Variants in PTPRM observed in about 807,000 individuals in gnomAD.
PTPRM encodes the protein protein tyrosine phosphatase receptor type M, also known as receptor-type tyrosine-protein phosphatase mu.
A neutral mutation model predicts 186.7 loss-of-function variants in PTPRM; 47 were observed. The ratio of observed to expected loss-of-function variants is 0.25; its 90% CI spans 0.20 to 0.32. The LOEUF (loss-of-function observed/expected upper bound fraction) is 0.32, where lower values mean the gene tolerates loss of function less well. Ranked by LOEUF, PTPRM falls within the 10% of genes least tolerant of loss-of-function variation. The pLI, the probability that PTPRM is intolerant of heterozygous loss-of-function variation, is 1.00. For missense variants in PTPRM, 1,494 were observed against 1,865.0 expected (o/e 0.80, Z 3.66); for synonymous variants, 668 against 674.9 (o/e 0.99, Z 0.16).
At chr18:8,125,638 A>C (rs995684803) in intron 13 of PTPRM, among the ~76,000 whole-genome samples, 1 of 152,010 alleles carries the variant, frequency 6.6e-6, no homozygotes, top group African/African-American at 2.4e-5. Context: ...CTAAGTTACT[A>C]ACTAGATTTA....
At position 8,225,674 on chromosome 18, in the gene PTPRM, TTGTC is replaced by T. The variant is rs896748996; in HGVS notation, c.2301-18380_2301-18377del. On this transcript the variant is annotated intron_variant, in intron 14 of 32. Transcript: ENST00000580170. ...CATGCCAGCAGCTAACTCATCCCCT[TTGTC>T]TGTGTTCACTAAGCAGAGAAAGACC... is the stretch of plus-strand genomic sequence containing the variant. Among the ~76,000 whole-genome samples the T allele has an allele frequency of 2.6e-5, 4 of 152,316 alleles. No individual in the cohort carries two copies. The South Asian group carries it at 6.2e-4, about 24-fold the overall frequency.
At chr18:8,123,609 G>C (rs796495252) in intron 13 of PTPRM, among the ~76,000 whole-genome samples, 2 of 152,244 alleles carry the variant, frequency 1.3e-5, no homozygotes, top group African/African-American at 4.8e-5. Flanking sequence ...TTTCCTGATT[G>C]AAGTTCTACT....
intron 14 of PTPRM, among the ~76,000 whole-genome samples, chr18:8,175,468 T>TA (rs1414779432): frequency 6.6e-6 from 1 of 152,246 alleles, no homozygotes; most frequent in Non-Finnish European, 1.5e-5. Flanking sequence ...ACTTTGTTTT[T>TA]ATTTTTGTTT....
chr18:8,247,762 C>T (rs2094491321), intron 15 of PTPRM, 83 bp from the exon 16 acceptor site: 1 of 981,092 alleles, frequency 1.0e-6, no homozygotes, highest in Non-Finnish European at 1.6e-6. Flanking sequence ...AGCATGGAGT[C>T]ACCATGGGTG....
chr18:7,983,662 A>G (rs1051782879), intron 7 of PTPRM, among the ~76,000 whole-genome samples: 7 of 152,090 alleles, frequency 4.6e-5, no homozygotes, highest in Non-Finnish European at 1.0e-4. Flanking sequence ...AACTGCTCCT[A>G]GTTCTGTCTC....
chr18:8,028,831 T>C (rs11081354), intron 7 of PTPRM, among the ~76,000 whole-genome samples: 91,891 of 152,090 alleles, frequency 0.6, 27,950 homozygotes, highest in Non-Finnish European at 0.65. Flanking sequence ...AAAAAGATCA[T>C]GAATGTAGTC....
At chr18:7,976,960 G>A (rs2054991694) in intron 7 of PTPRM, among the ~76,000 whole-genome samples, 1 of 151,200 alleles carries the variant, frequency 6.6e-6, no homozygotes, top group Non-Finnish European at 1.5e-5. Flanking sequence ...CAATAAAAAA[G>A]GTTGATTGTG....
intron 7 of PTPRM, among the ~76,000 whole-genome samples, chr18:8,025,854 T>A (rs765000426): frequency 2.0e-5 from 3 of 152,160 alleles, no homozygotes; most frequent in Non-Finnish European, 4.4e-5. Context: ...TAGCTGTCTA[T>A]CATGAAGCCC....
rs114229947 is a variant in PTPRM, at chr18:7,737,501, T to A, written c.74-36648T>A. ...ACCTGTTTGTTTTTCCTCTGCTCCA[T>A]GTAATAAGGTGTAGTTTGTTCCCAT... On this transcript the variant is annotated intron_variant, in intron 1 of 32. Transcript: ENST00000580170. Among the ~76,000 whole-genome samples, 449 of 152,340 alleles carry A rather than the reference T, an allele frequency of 2.9e-3. 1 individual carries two copies. Among genetic ancestry groups the A allele is most frequent in the Middle Eastern group, 0.017 (5 of 294 alleles).
chr18:7,615,947 C>G (rs993436271), intron 1 of PTPRM, among the ~76,000 whole-genome samples: 1 of 152,124 alleles, frequency 6.6e-6, no homozygotes, highest in Non-Finnish European at 1.5e-5. Flanking sequence ...CCCGCATACA[C>G]AGTTCACAAT....
chr18:7,625,605 G>T (rs1236916238), intron 1 of PTPRM, among the ~76,000 whole-genome samples: 1 of 152,136 alleles, frequency 6.6e-6, no homozygotes, highest in Non-Finnish European at 1.5e-5. Flanking sequence ...CGTGATCTCG[G>T]CTCACTGCAA....
At chr18:7,976,974 T>C (rs1203175926) in intron 7 of PTPRM, among the ~76,000 whole-genome samples, 2 of 152,058 alleles carry the variant, frequency 1.3e-5, no homozygotes, top group African/African-American at 4.8e-5. Context: ...GATTGTGACA[T>C]GGATATTAGA....
At chr18:8,379,523 G>A (rs903741392) in intron 28 of PTPRM, among the ~76,000 whole-genome samples, 183 bp downstream of exon 28, 14 of 152,028 alleles carry the variant, frequency 9.2e-5, no homozygotes, top group Admixed American at 3.9e-4. Context: ...GATATCCTTC[G>A]TTTCTCAAAG....
chr18:8,314,248 C>A (rs781472769), intron 20 of PTPRM, among the ~76,000 whole-genome samples: 1 of 152,098 alleles, frequency 6.6e-6, no homozygotes, highest in African/African-American at 2.4e-5. Context: ...TATTTCCTGG[C>A]CTGTGGTCAC....
chr18:7,922,425 G>C (rs186427328), intron 4 of PTPRM, among the ~76,000 whole-genome samples: 88 of 152,344 alleles, frequency 5.8e-4, no homozygotes, highest in African/African-American at 2.0e-3. Flanking sequence ...GGAAGGGACA[G>C]ATTTCCTGCC....
chr18:8,367,389 C>T (rs1321902448), intron 23 of PTPRM, among the ~76,000 whole-genome samples: 1 of 152,266 alleles, frequency 6.6e-6, no homozygotes, highest in Non-Finnish European at 1.5e-5. Context: ...CGCCTCCTCC[C>T]TCGCAATTAC....
chr18:7,947,358 G>C (rs1270748352), intron 5 of PTPRM, among the ~76,000 whole-genome samples: 1 of 152,106 alleles, frequency 6.6e-6, no homozygotes, highest in Non-Finnish European at 1.5e-5. Flanking sequence ...GATCACTATA[G>C]GTTTGGCATA....
At chr18:8,231,371 T>A (rs2094284057) in intron 14 of PTPRM, among the ~76,000 whole-genome samples, 1 of 152,144 alleles carries the variant, frequency 6.6e-6, no homozygotes, top group African/African-American at 2.4e-5. Flanking sequence ...CAGTCCAGTT[T>A]CAGAGCGGGA....
At chr18:7,966,103 A>G (rs1431654115) in intron 7 of PTPRM, among the ~76,000 whole-genome samples, 3 of 152,372 alleles carry the variant, frequency 2.0e-5, no homozygotes, top group Admixed American at 1.3e-4. Flanking sequence ...AATTTTAAGA[A>G]TATAAATAAC....
Sources: gnomAD v4.1 joint callset for allele counts (sites outside exome capture counted in the v4.1 genomes callset) on GRCh38, gnomAD v4.1.1 for gene constraint, MANE v1.5 for transcripts, NCBI Gene and HGNC (gene_info 2026-07-23, HGNC 2026-07-21) for gene names.